The following EPSTI1 variants were observed in gnomAD, a reference collection of about 807,000 sequenced individuals.
EPSTI1 encodes the protein epithelial stromal interaction 1.
In EPSTI1, 66 loss-of-function variants were observed where a neutral mutation model predicts 49.9. The ratio of observed to expected loss-of-function variants is 1.32; its 90% CI spans 1.08 to 1.62. EPSTI1 has a LOEUF of 1.62. Among genes scored for constraint, EPSTI1 ranks in the 40% most tolerant of loss-of-function variants. The probability of loss-of-function intolerance (pLI) is 0.00; values close to 1 mark genes in which losing one functional copy is unlikely to be tolerated. For synonymous variants in EPSTI1, 137 were observed against 130.7 expected (o/e 1.05, Z -0.33); for missense variants, 394 against 365.5 (o/e 1.08, Z -0.64).
chr13:42,937,543 T>C (rs981655216), intron 6 of EPSTI1, among the ~76,000 whole-genome samples: 3 of 152,238 alleles, frequency 2.0e-5, no homozygotes, highest in Non-Finnish European at 4.4e-5. Flanking sequence ...AGTCATTTAA[T>C]CAATGTTCAC....
intron 6 of EPSTI1, among the ~76,000 whole-genome samples, chr13:42,929,224 A>C (rs919649395): frequency 6.6e-6 from 1 of 152,214 alleles, no homozygotes; most frequent in Non-Finnish European, 1.5e-5. Flanking sequence ...GGATGTAAAT[A>C]GTCACACAGA....
chr13:42,950,731 G>GT (rs1480486388), intron 6 of EPSTI1, among the ~76,000 whole-genome samples: 1 of 152,192 alleles, frequency 6.6e-6, no homozygotes, highest in Admixed American at 6.5e-5. Context: ...GCAAAGTATT[G>GT]ACTGGTTTGA....
chr13:42,914,622 A>G (rs2037779120), intron 8 of EPSTI1, among the ~76,000 whole-genome samples: 1 of 152,200 alleles, frequency 6.6e-6, no homozygotes, highest in African/African-American at 2.4e-5. Context: ...GAGGTGGGTA[A>G]TAAAGAAGTG....
intron 1 of EPSTI1, among the ~76,000 whole-genome samples, chr13:42,980,445 A>G (rs907991782): frequency 1.2e-4 from 18 of 152,230 alleles, no homozygotes; most frequent in African/African-American, 4.1e-4. Flanking sequence ...CCTCACAATC[A>G]TGGTGGAAGG....
chr13:42,910,055 T>C lies in EPSTI1; in HGVS notation c.741+7486A>G, dbSNP rs2037620143. On this transcript the variant is annotated intron_variant, in intron 8 of 10. Transcript: ENST00000313624. ...TACTTCAAAATATCATATTGAACAT[T>C]ATAAACACAAATAATGTTTTCTGTC... is the stretch of plus-strand genomic sequence containing the variant. Among the ~76,000 whole-genome samples, 3 of 152,182 alleles carry C rather than the reference T, an allele frequency of 2.0e-5. No homozygotes were observed. The South Asian group carries it at 6.2e-4, about 32-fold the overall frequency.
chr13:42,991,992 G>C lies in EPSTI1; in HGVS notation c.174C>G (p.His58Gln), dbSNP rs778013044. 6.8e-6 allele frequency: 11 copies of C among 1,610,750 alleles called. No homozygotes were observed. The highest frequency in any genetic ancestry group is 1.7e-4 in the Middle Eastern group (1 of 6,058). ...AAAATACTCACCGCCTCTGGCCCGC[G>C]TGCACGACGCTCTCCCGCGAAGGGC... ...PKGPSRESVV[H>Q]AGQRRTSAYT... Residue 58 changes from histidine to glutamine, a missense_variant, in exon 1 of 11, where the codon CAC becomes CAG. His to Gln is a conservative substitution (Grantham distance 24, BLOSUM62 0). Transcript: ENST00000313624.
At chr13:42,986,650 C>A (rs2040084147) in intron 1 of EPSTI1, among the ~76,000 whole-genome samples, 1 of 145,120 alleles carries the variant, frequency 6.9e-6, no homozygotes, top group African/African-American at 2.6e-5. Flanking sequence ...GAGGCTGAGG[C>A]AGGAGAATTG....
intron 6 of EPSTI1, 111 bp downstream of exon 6, chr13:42,953,837 A>G (rs1170606003): frequency 1.3e-6 from 1 of 775,818 alleles, no homozygotes; most frequent in South Asian, 1.9e-5. Context: ...AATTAATACA[A>G]CAGCCAATAA....
At chr13:42,906,718 AAGGC>A (rs1330763383) in intron 8 of EPSTI1, among the ~76,000 whole-genome samples, 1 of 152,220 alleles carries the variant, frequency 6.6e-6, no homozygotes, top group Non-Finnish European at 1.5e-5. Context: ...ATGGGGAGAA[AAGGC>A]AGAAGCTACC....
chr13:42,922,755 G>C lies in EPSTI1; in HGVS notation c.657+3581C>G, dbSNP rs1395931136. The stretch of plus-strand genomic sequence containing the variant: ...TTAATGAATGAGCATGTGACACGTA[G>C]ATAAAAATTACAATAATCAACCTGC... On this transcript the variant is annotated intron_variant, in intron 7 of 10. Transcript: ENST00000313624. This position sits in a 1 kb window ranked among gnomAD's most constrained non-coding sequence, Gnocchi z 4.8. Among the ~76,000 whole-genome samples, 2 of 152,178 alleles carry C rather than the reference G, an allele frequency of 1.3e-5. No homozygotes were observed. The highest frequency in any genetic ancestry group is 4.8e-5 in the African/African-American group (2 of 41,444).
At chr13:42,904,141 A>G (rs1184737937) in intron 8 of EPSTI1, among the ~76,000 whole-genome samples, 2 of 152,218 alleles carry the variant, frequency 1.3e-5, no homozygotes, top group African/African-American at 4.8e-5. Context: ...AATATCCAAC[A>G]ATAATCCCAG....
In EPSTI1 at chr13:42,888,305, A is replaced by G. The variant is rs2036921532; in HGVS notation, c.*189T>C. On this transcript the variant is annotated 3_prime_UTR_variant, in exon 11 of 11. Transcript: ENST00000313624. ...GTAGAGATTAAATATGAGTTCAGGA[A>G]TCAGCTCCTCCAAACATGCATAAAT... is the stretch of plus-strand genomic sequence containing the variant. 6.3e-7 allele frequency: 1 copy of G among 1,584,980 alleles called. No homozygotes were observed. The highest frequency in any genetic ancestry group is 1.1e-5 in the South Asian group (1 of 88,162).
At chr13:42,988,547 G>A (rs2040125031) in intron 1 of EPSTI1, among the ~76,000 whole-genome samples, 1 of 152,054 alleles carries the variant, frequency 6.6e-6, no homozygotes, top group South Asian at 2.1e-4. Context: ...CCTGGCCAAT[G>A]TGGCGAAACC....
intron 1 of EPSTI1, among the ~76,000 whole-genome samples, chr13:42,974,298 T>C (rs1397031930): frequency 6.6e-6 from 1 of 150,836 alleles, no homozygotes; most frequent in Non-Finnish European, 1.5e-5. Flanking sequence ...ATCATGCCAC[T>C]GCACTCCAGC....
At chr13:42,917,050 T>C (rs1249590567) in intron 8 of EPSTI1, among the ~76,000 whole-genome samples, 1 of 152,228 alleles carries the variant, frequency 6.6e-6, no homozygotes, top group Non-Finnish European at 1.5e-5. Flanking sequence ...TCAAAACATA[T>C]GGAATGCCTC....
At chr13:42,974,384 G>A (rs186316021) in intron 1 of EPSTI1, among the ~76,000 whole-genome samples, 3 of 152,016 alleles carry the variant, frequency 2.0e-5, no homozygotes, top group African/African-American at 2.4e-5. Flanking sequence ...CTGGCCGGGC[G>A]CGGTGGCTCA....
At chr13:42,968,942 A>ACG (rs2039693480) in intron 3 of EPSTI1, 152 bp downstream of exon 3, 1 of 710,006 alleles carries the variant, frequency 1.4e-6, no homozygotes, top group Admixed American at 2.6e-5. Context: ...ACACACACAC[A>ACG]CACACACACA....
At chr13:42,979,878 A>G (rs2039956831) in intron 1 of EPSTI1, among the ~76,000 whole-genome samples, 1 of 152,146 alleles carries the variant, frequency 6.6e-6, no homozygotes, top group South Asian at 2.1e-4. Context: ...TCTATATTCA[A>G]ATTTCCAAAT....
chr13:42,942,009 T>C (rs1004082471), intron 6 of EPSTI1, among the ~76,000 whole-genome samples: 2 of 152,188 alleles, frequency 1.3e-5, no homozygotes, highest in African/African-American at 4.8e-5. Context: ...TAGAGACAAA[T>C]AGTTTTTGTC....
Sources: allele counts gnomAD v4.1 joint callset (sites outside exome capture counted in the v4.1 genomes callset), GRCh38; gene constraint gnomAD v4.1.1; non-coding constraint Gnocchi (gnomAD v3.1); transcripts MANE v1.5; gene names NCBI Gene and HGNC (gene_info 2026-07-23, HGNC 2026-07-21).